The following MCF2L variants were observed in gnomAD, a reference collection of about 807,000 sequenced individuals.
MCF2L encodes the protein MCF.2 cell line derived transforming sequence like.
A neutral mutation model predicts 153.4 loss-of-function variants in MCF2L; 97 were observed. The observed-to-expected ratio is 0.63, with a 90% CI of 0.54 to 0.75. The LOEUF (loss-of-function observed/expected upper bound fraction) is 0.75, where lower values mean the gene tolerates loss of function less well. Ranked by LOEUF, MCF2L falls within the 30% of genes least tolerant of loss-of-function variation. The pLI is 0.00. For missense variants in MCF2L, 1,347 were observed against 1,495.2 expected (o/e 0.90, Z 1.64); for synonymous variants, 659 against 632.2 (o/e 1.04, Z -0.64).
chr13:112,933,183 G>A (rs1199517684), intron 2 of MCF2L, among the ~76,000 whole-genome samples: 2 of 152,242 alleles, frequency 1.3e-5, no homozygotes, highest in East Asian at 3.8e-4. Flanking sequence ...GGCCCCGCAG[G>A]GGTTGGCTCC....
chr13:112,920,069 T>C (rs1490200780), intron 2 of MCF2L, among the ~76,000 whole-genome samples: 2 of 151,946 alleles, frequency 1.3e-5, no homozygotes, highest in Non-Finnish European at 2.9e-5. Flanking sequence ...CTCCCACAGT[T>C]TGGAGTTTTT....
chr13:113,044,644 G>A lies in MCF2L; in HGVS notation c.279-627G>A, dbSNP rs771919345. 10 of 1,609,508 alleles carry A rather than the reference G, an allele frequency of 6.2e-6. No homozygotes were observed. The South Asian group carries it at 1.1e-4, about 18-fold the overall frequency. Reference sequence around the variant, plus strand: ...GAAGAGGGCTCTCCGCACCGACTCTGTGACTCAGGCTTCTACTACCAGGCT... The same window carrying A: ...GAAGAGGGCTCTCCGCACCGACTCTATGACTCAGGCTTCTACTACCAGGCT... On this transcript the variant is annotated intron_variant, in intron 3 of 29. Coordinates refer to ENST00000535094, the MANE Select transcript of MCF2L (RefSeq NM_001112732.3).
intron 1 of MCF2L, among the ~76,000 whole-genome samples, chr13:112,991,391 G>T (rs192591621): frequency 6.6e-5 from 10 of 150,710 alleles, no homozygotes; most frequent in Non-Finnish European, 1.3e-4. Flanking sequence ...GACCTGATTC[G>T]CTGTGTTTTG....
intron 2 of MCF2L, among the ~76,000 whole-genome samples, chr13:113,019,278 A>AC (rs1211254188): frequency 6.6e-6 from 1 of 151,980 alleles, no homozygotes; most frequent in Non-Finnish European, 1.5e-5. Context: ...GTGGGGAAGG[A>AC]CCCCGGAGTC....
chr13:112,968,790 TG>T, upstream of MCF2L: 1 of 1,345,734 alleles, frequency 7.4e-7, no homozygotes, highest in African/African-American at 1.5e-5. Flanking sequence ...GCTTCGCGGC[TG>T]CCCGCAAACC....
intron 1 of MCF2L, among the ~76,000 whole-genome samples, chr13:112,899,165 G>A (rs1284469206): frequency 6.6e-6 from 1 of 152,250 alleles, no homozygotes; most frequent in African/African-American, 2.4e-5. Flanking sequence ...GTGCTTCCGT[G>A]GGGCTGGGCC....
chr13:113,064,906 G>A lies in MCF2L; in HGVS notation c.607-30G>A, dbSNP rs1413229985. On this transcript the variant is annotated intron_variant, in intron 6 of 29. Coordinates refer to ENST00000535094, the MANE Select transcript of MCF2L (RefSeq NM_001112732.3). This position sits in a 1 kb window ranked among gnomAD's most constrained non-coding sequence, Gnocchi z 6.0. The stretch of plus-strand genomic sequence containing the variant: ...GCAGGAGGTGGGTGCAGTGCACAAG[G>A]CATGCAATTGTGTTTTCTCTGTCCC... The A allele has an allele frequency of 6.3e-7, 1 of 1,599,890 alleles. No individual in the cohort carries two copies. The highest frequency in any genetic ancestry group is 1.3e-5 in the African/African-American group (1 of 74,934).
chr13:112,995,277 G>C (rs1056194891), intron 1 of MCF2L, among the ~76,000 whole-genome samples: 3 of 152,220 alleles, frequency 2.0e-5, no homozygotes, highest in Admixed American at 2.0e-4. Flanking sequence ...GCTCGCTCTC[G>C]AGCCTGTCCG....
At chr13:113,081,091 G>T (rs1303819709) in intron 15 of MCF2L, 122 bp from the exon 16 acceptor site, 5 of 809,250 alleles carry the variant, frequency 6.2e-6, no homozygotes, top group Non-Finnish European at 7.5e-6. Context: ...GCTTTGGGTC[G>T]CCGCCAGTCC....
intron 3 of MCF2L, chr13:113,040,844 C>A (rs953151610): frequency 6.6e-6 from 1 of 152,250 alleles, no homozygotes; most frequent in African/African-American, 2.4e-5. Context: ...TGTGGTTGCA[C>A]CCGCAGGCCA....
At chr13:113,024,353 A>T (rs2085091755) in intron 2 of MCF2L, among the ~76,000 whole-genome samples, 1 of 75,644 alleles carries the variant, frequency 1.3e-5, no homozygotes, top group Admixed American at 1.2e-4. Context: ...CAACAAGGTT[A>T]AAAAAGCCCA....
chr13:112,976,966 C>G (rs1447953933), intron 1 of MCF2L, among the ~76,000 whole-genome samples: 2 of 152,164 alleles, frequency 1.3e-5, no homozygotes, highest in Non-Finnish European at 2.9e-5. Flanking sequence ...CACAAGCACG[C>G]TCTGTCCTTC....
At chr13:113,001,004 T>A (rs968575994) in intron 1 of MCF2L, among the ~76,000 whole-genome samples, 1 of 152,218 alleles carries the variant, frequency 6.6e-6, no homozygotes, top group Non-Finnish European at 1.5e-5. Context: ...TCCTTGGGAT[T>A]TTCGGCTCAA....
chr13:113,049,130 G>A (rs1248887961), intron 4 of MCF2L, among the ~76,000 whole-genome samples: 2 of 152,210 alleles, frequency 1.3e-5, no homozygotes, highest in Non-Finnish European at 2.9e-5. Context: ...TGGGCCAGGA[G>A]ACATGGAGCT....
At chr13:113,078,579 A>G (rs1039089985) in intron 14 of MCF2L, 87 bp from the exon 15 acceptor site, 41 of 1,422,084 alleles carry the variant, frequency 2.9e-5, no homozygotes, top group Admixed American at 3.8e-5. Flanking sequence ...CCCTGTCCCC[A>G]TACGGGAACT....
At chr13:113,013,168 CAGAGAGGTGTGCACCAGTGGA>C (rs539583193) in intron 1 of MCF2L, among the ~76,000 whole-genome samples, 120 of 152,310 alleles carry the variant, frequency 7.9e-4, no homozygotes, top group African/African-American at 2.8e-3. Flanking sequence ...ACACACATTC[CAGAGAGGTGTGCACCAGTGGA>C]AGTCACCTTG....
chr13:113,084,125 C>A, intron 18 of MCF2L, 58 bp downstream of exon 18: 1 of 1,344,806 alleles, frequency 7.4e-7, no homozygotes, highest in Non-Finnish European at 1.1e-6. Flanking sequence ...TGAATAATGA[C>A]TTCAGATTCT....
At chr13:113,060,499 C>A in intron 4 of MCF2L, 94 bp from the exon 5 acceptor site, 1 of 1,484,224 alleles carries the variant, frequency 6.7e-7, no homozygotes. Context: ...GCTAGCTGCG[C>A]GCCCCCGGTC....
intron 2 of MCF2L, among the ~76,000 whole-genome samples, chr13:113,021,982 C>A (rs1374828508): frequency 6.6e-6 from 1 of 152,200 alleles, no homozygotes; most frequent in Admixed American, 6.5e-5. Context: ...AGCTCCGGGT[C>A]ACCTGGCCCC....
Sources: gnomAD v4.1 joint callset for allele counts (sites outside exome capture counted in the v4.1 genomes callset) on GRCh38, gnomAD v4.1.1 for gene constraint, Gnocchi (gnomAD v3.1) non-coding constraint, MANE v1.5 for transcripts, NCBI Gene and HGNC (gene_info 2026-07-23, HGNC 2026-07-21) for gene names.